The following RBFOX1 variants were observed in gnomAD, a reference collection of about 807,000 sequenced individuals.
RBFOX1 encodes the protein RNA binding fox-1 homolog 1, also known as RNA binding protein fox-1 homolog 1.
In RBFOX1, 8 loss-of-function variants were observed where a neutral mutation model predicts 57.7. That is an observed-to-expected ratio of 0.14 (90% CI 0.08 to 0.25). The LOEUF is 0.25. Ranked by LOEUF, RBFOX1 falls within the 10% of genes least tolerant of loss-of-function variation. The pLI is 1.00. For missense variants in RBFOX1, 611 were observed against 548.5 expected (o/e 1.11, Z -1.14); for synonymous variants, 326 against 222.4 (o/e 1.47, Z -4.15).
chr16:5,257,154 A>ACC (rs2062610061), intron 1 of RBFOX1, among the ~76,000 whole-genome samples: 5 of 67,764 alleles, frequency 7.4e-5, no homozygotes, highest in African/African-American at 2.8e-4. Context: ...AAAAACCAAG[A>ACC]AACAAACAAA....
chr16:7,541,640 C>G (rs1399140327), intron 5 of RBFOX1, among the ~76,000 whole-genome samples: 2 of 151,660 alleles, frequency 1.3e-5, no homozygotes, highest in Admixed American at 6.6e-5. Flanking sequence ...TTTCTGAAAT[C>G]AAAATTTTGT....
chr16:6,280,697 G>T (rs777781546), intron 1 of RBFOX1, among the ~76,000 whole-genome samples: 2 of 151,968 alleles, frequency 1.3e-5, no homozygotes, highest in Non-Finnish European at 2.9e-5. Context: ...AATTCATTGC[G>T]GGAGAGAATG....
intron 4 of RBFOX1, among the ~76,000 whole-genome samples, chr16:5,975,305 A>G (rs1413843891): frequency 6.6e-6 from 1 of 152,198 alleles, no homozygotes; most frequent in Non-Finnish European, 1.5e-5. Context: ...TGTTGGAGCA[A>G]TACATCACCC....
intron 4 of RBFOX1, among the ~76,000 whole-genome samples, chr16:7,517,007 G>A (rs552014824): frequency 6.6e-6 from 1 of 152,228 alleles, no homozygotes; most frequent in Non-Finnish European, 1.5e-5. Context: ...ATTGACCACA[G>A]ACAATAGGAG....
intron 1 of RBFOX1, among the ~76,000 whole-genome samples, chr16:6,074,765 A>G (rs2095875816): frequency 6.6e-6 from 1 of 152,230 alleles, no homozygotes; most frequent in South Asian, 2.1e-4. Context: ...GAGGCAGCAC[A>G]GAAGCTCAAG....
At chr16:6,030,464 G>C (rs1235389845) in intron 1 of RBFOX1, among the ~76,000 whole-genome samples, 1 of 152,100 alleles carries the variant, frequency 6.6e-6, no homozygotes, top group Non-Finnish European at 1.5e-5. Context: ...CCTCACTTTT[G>C]ACTCAGTTTT....
At chr16:6,916,071 C>T (rs2073092445) in intron 3 of RBFOX1, among the ~76,000 whole-genome samples, 1 of 152,144 alleles carries the variant, frequency 6.6e-6, no homozygotes, top group Non-Finnish European at 1.5e-5. Flanking sequence ...TCCCCAGACC[C>T]AGGGCTTATA....
intron 4 of RBFOX1, among the ~76,000 whole-genome samples, chr16:7,273,667 G>A (rs1468196043): frequency 6.6e-6 from 1 of 152,172 alleles, no homozygotes; most frequent in Non-Finnish European, 1.5e-5. Flanking sequence ...GAATTGGGAA[G>A]CTCTATTCTG....
intron 3 of RBFOX1, among the ~76,000 whole-genome samples, chr16:6,849,718 A>C (rs1420267494): frequency 6.6e-6 from 1 of 152,142 alleles, no homozygotes; most frequent in Non-Finnish European, 1.5e-5. Flanking sequence ...TCCATCTGCC[A>C]TGACTGTCTA....
chr16:5,913,918 G>A lies in RBFOX1; in HGVS notation c.351+46583G>A, dbSNP rs1338656093. Among the ~76,000 whole-genome samples the A allele has an allele frequency of 3.3e-5, 5 of 152,258 alleles. No homozygotes were observed. In the East Asian group the frequency reaches 5.8e-4, roughly 18 times the overall value. The stretch of plus-strand genomic sequence containing the variant: ...TTACACCAACGCTAAGAGGTGGACA[G>A]GGTATATTCTGTCACTCCTCTCATT... On this transcript the variant is annotated intron_variant, in intron 4 of 19. Transcript: ENST00000641259.
Position 6,717,855 on chromosome 16 carries a change from C to A in RBFOX1, c.-16+63205C>A, listed in dbSNP as rs2065141570. On this transcript the variant is annotated intron_variant, in intron 3 of 15. Transcript: ENST00000550418. ...TACCCAGATGGTGTTTCGTGGGATA[C>A]CCCCTGCCTAGAGCAGATCTGGATA... 2.0e-5 allele frequency among the ~76,000 whole-genome samples: 3 copies of A among 152,170 alleles called. No homozygotes were observed. The East Asian group carries it at 5.8e-4, about 29-fold the overall frequency.
At chr16:5,730,915 C>A (rs1177503153) in intron 3 of RBFOX1, among the ~76,000 whole-genome samples, 2 of 152,104 alleles carry the variant, frequency 1.3e-5, no homozygotes, top group Non-Finnish European at 2.9e-5. Flanking sequence ...AACATCTCCA[C>A]TGCCATTGTC....
chr16:5,361,776 C>T (rs531235712), intron 1 of RBFOX1, among the ~76,000 whole-genome samples: 3 of 152,212 alleles, frequency 2.0e-5, no homozygotes, highest in African/African-American at 4.8e-5. Flanking sequence ...CCAGCTGTCT[C>T]AGGTGAGCCT....
chr16:6,990,257 G>C, intron 3 of RBFOX1, among the ~76,000 whole-genome samples: 1 of 152,114 alleles, frequency 6.6e-6, no homozygotes, highest in East Asian at 1.9e-4. Flanking sequence ...GATAGCGGTA[G>C]CTCACGGCTG....
chr16:6,540,825 G>A (rs534964262), intron 2 of RBFOX1, among the ~76,000 whole-genome samples: 1 of 151,896 alleles, frequency 6.6e-6, no homozygotes, highest in Non-Finnish European at 1.5e-5. Context: ...TTTTTTGCTA[G>A]TGAAACTACC....
intron 3 of RBFOX1, among the ~76,000 whole-genome samples, chr16:5,768,557 C>T (rs1193620735): frequency 6.6e-6 from 1 of 152,100 alleles, no homozygotes; most frequent in Non-Finnish European, 1.5e-5. Flanking sequence ...CATGACATAC[C>T]AGCGTGGATC....
chr16:7,193,959 T>C (rs966648557), intron 4 of RBFOX1, among the ~76,000 whole-genome samples: 25 of 152,132 alleles, frequency 1.6e-4, no homozygotes, highest in Non-Finnish European at 3.2e-4. Flanking sequence ...GCTATCTTTT[T>C]TTTTTTTAAG....
At chr16:6,431,611 G>T (rs1169230043) in intron 2 of RBFOX1, among the ~76,000 whole-genome samples, 1 of 152,082 alleles carries the variant, frequency 6.6e-6, no homozygotes, top group Non-Finnish European at 1.5e-5. Flanking sequence ...TGATGCTGGG[G>T]GTAAGTGTGA....
intron 2 of RBFOX1, among the ~76,000 whole-genome samples, chr16:6,583,204 T>A (rs1478155896): frequency 6.6e-6 from 1 of 152,192 alleles, no homozygotes; most frequent in African/African-American, 2.4e-5. Context: ...GTAGTTCTAA[T>A]GGGTCCTAGC....
Sources: gnomAD v4.1 joint callset for allele counts (sites outside exome capture counted in the v4.1 genomes callset) on GRCh38, gnomAD v4.1.1 for gene constraint, MANE v1.5 for transcripts, NCBI Gene and HGNC (gene_info 2026-07-23, HGNC 2026-07-21) for gene names.